The following KCNA7 variants were observed in gnomAD, a reference collection of about 807,000 sequenced individuals.
KCNA7 encodes the protein potassium voltage-gated channel subfamily A member 7.
Under a neutral mutation model 21.5 loss-of-function variants are expected in KCNA7, and 15 were observed. The ratio of observed to expected loss-of-function variants is 0.70; its 90% CI spans 0.47 to 1.07. KCNA7 has a LOEUF of 1.07. Among genes scored for constraint, KCNA7 ranks in the 50% least tolerant of loss-of-function variants. KCNA7 has a pLI of 0.00. For missense variants in KCNA7, 640 were observed against 651.6 expected (o/e 0.98, Z 0.19); for synonymous variants, 298 against 291.0 (o/e 1.02, Z -0.24).
Position 49,067,906 on chromosome 19 carries a change from CT to C in KCNA7, c.*2156del, listed in dbSNP as rs1555734367. 2.2e-4 allele frequency: 33 copies of C among 147,786 alleles called. No individual in the cohort carries two copies. The highest frequency in any genetic ancestry group is 4.3e-4 in the South Asian group (2 of 4,628). The allele number at this position is 147,786 out of a possible 1,614,324, so 9.2% of individuals were successfully genotyped here. A position where few individuals can be genotyped will look rare whatever the true frequency, so the allele number is the denominator to read the frequency against. ...TTTTTCTGGCTTTTTCTTTTCTTTT[CT>C]TTTTTTTTTTGAGACAGAGTGTTGC... On this transcript the variant is annotated 3_prime_UTR_variant, in exon 2 of 2. Coordinates refer to ENST00000221444, the MANE Select transcript of KCNA7 (RefSeq NM_031886.3).
In KCNA7 at chr19:49,071,555, C is replaced by A. The variant is rs756182583; in HGVS notation, c.555+476G>T. 3.8e-4 allele frequency among the ~76,000 whole-genome samples: 56 copies of A among 147,242 alleles called. No individual in the cohort carries two copies. The Middle Eastern group carries it at 0.027, about 72-fold the overall frequency. On this transcript the variant is annotated intron_variant, in intron 1 of 1. Transcript: ENST00000221444. ...TGGGCGACAGAGCAAGACTCTGTCT[C>A]ACAGGAAATAAAAAAAAAAAGACCT...
Position 49,070,005 on chromosome 19 carries a change from C to A in KCNA7, c.*58G>T. 1.4e-6 allele frequency: 2 copies of A among 1,396,180 alleles called. No homozygotes were observed. Among genetic ancestry groups the A allele is most frequent in the South Asian group, 2.7e-5 (2 of 75,304 alleles). 86.5% of individuals were successfully genotyped at this position (1,396,180 alleles called of 1,614,324 possible). ...CCCTCCCCCCAGCCTTGCCCTCCAC[C>A]CTGCCCTCCCTCCCTCCCTCTAGGG... On this transcript the variant is annotated 3_prime_UTR_variant, in exon 2 of 2. Coordinates refer to ENST00000221444, the MANE Select transcript of KCNA7 (RefSeq NM_031886.3). The surrounding 1 kb of genome is among the most constrained non-coding windows in gnomAD (Gnocchi z 4.3).
At position 49,070,008 on chromosome 19, in the gene KCNA7, GCCCT is replaced by G; in HGVS notation, c.*51_*54del. 73 of 1,369,472 alleles carry G rather than the reference GCCCT, an allele frequency of 5.3e-5. No homozygotes were observed. The highest frequency in any genetic ancestry group is 7.0e-5 in the Non-Finnish European group (69 of 990,498). The allele number at this position is 1,369,472 out of a possible 1,614,324, so 84.8% of individuals were successfully genotyped here. ...TCCCCCCAGCCTTGCCCTCCACCCT[GCCCT>G]CCCTCCCTCCCTCTAGGGAGGTGTG... On this transcript the variant is annotated 3_prime_UTR_variant, in exon 2 of 2. Transcript: ENST00000221444. This position sits in a 1 kb window ranked among gnomAD's most constrained non-coding sequence, Gnocchi z 4.3.
rs1370881348 is a variant in KCNA7, at chr19:49,067,561, C to G, written c.*2502G>C. 6.6e-6 allele frequency: 1 copy of G among 152,236 alleles called. No homozygotes were observed. Among genetic ancestry groups the G allele is most frequent in the Non-Finnish European group, 1.5e-5 (1 of 68,044 alleles). The allele number at this position is 152,236 out of a possible 1,614,324, so 9.4% of individuals were successfully genotyped here. ...GCCTTGTGACCTTGGGTAACACCTG[C>G]TGCTCTGAGCCTCAGTTTCCCCGTC... is the stretch of plus-strand genomic sequence containing the variant. On this transcript the variant is annotated 3_prime_UTR_variant, in exon 2 of 2. Transcript: ENST00000221444.
chr19:49,072,278 A>G lies in KCNA7; in HGVS notation c.308T>C (p.Leu103Pro). ...GCCCTCGTCCTCGCGCAGGCGTGCCAGGGCCGCCGCGCCCAGCCCGTAGAA... is the reference window on the plus strand; with the variant it reads ...GCCCTCGTCCTCGCGCAGGCGTGCCGGGGCCGCCGCGCCCAGCCCGTAGAA... ...VAFYGLGAAA[L>P]ARLREDEGCP... The change falls in exon 1 of 2, where the codon CTG becomes CCG. Residue 103 changes from leucine to proline, a missense_variant. By Grantham distance (98) the Leu-to-Pro change is moderately conservative (BLOSUM62 -3). Coordinates refer to ENST00000221444, the MANE Select transcript of KCNA7 (RefSeq NM_031886.3). The G allele has an allele frequency of 6.3e-7, 1 of 1,580,356 alleles. No homozygotes were observed. The highest frequency in any genetic ancestry group is 1.1e-5 in the South Asian group (1 of 87,504).
Position 49,070,495 on chromosome 19 carries a change from G to A in KCNA7, c.939C>T (p.Gly313=). The change falls in exon 2 of 2, where the codon GGC becomes GGT. Residue 313 remains glycine (G), a synonymous_variant. Coordinates refer to ENST00000221444, the MANE Select transcript of KCNA7 (RefSeq NM_031886.3). This position sits in a 1 kb window ranked among gnomAD's most constrained non-coding sequence, Gnocchi z 4.3. The part of the protein sequence containing the change: ...QTLRASMREL[G]LLIFFLFIGV... Reference sequence around the variant, plus strand: ...CGATGAAGAGGAAAAAGATGAGGAGGCCCAGCTCACGCATGGAGGCCCGAA... The same window carrying A: ...CGATGAAGAGGAAAAAGATGAGGAGACCCAGCTCACGCATGGAGGCCCGAA... 6.2e-7 allele frequency: 1 copy of A among 1,614,120 alleles called. No individual in the cohort carries two copies.
chr19:49,071,901 G>T, intron 1 of KCNA7, 130 bp downstream of exon 1: 3 of 250,508 alleles, frequency 1.2e-5, no homozygotes, highest in East Asian at 9.1e-5. Context: ...CCCGCCTCCC[G>T]CCCACCCTGT....
In KCNA7 at chr19:49,069,630, G is replaced by T. The variant is rs907522509; in HGVS notation, c.*433C>A. On this transcript the variant is annotated 3_prime_UTR_variant, in exon 2 of 2. Coordinates refer to ENST00000221444, the MANE Select transcript of KCNA7 (RefSeq NM_031886.3). Reference sequence around the variant, plus strand: ...AATGCCATGGGGGACCATCTAACTTGACCCAACATGGCCCTAGGGGACCCA... The same window carrying T: ...AATGCCATGGGGGACCATCTAACTTTACCCAACATGGCCCTAGGGGACCCA... 6.1e-6 allele frequency: 1 copy of T among 164,890 alleles called. No individual in the cohort carries two copies. The highest frequency in any genetic ancestry group is 1.3e-5 in the Non-Finnish European group (1 of 76,266). The allele number at this position is 164,890 out of a possible 1,614,324, so 10.2% of individuals were successfully genotyped here. A position where few individuals can be genotyped will look rare whatever the true frequency, so the allele number is the denominator to read the frequency against.
rs1486580205 is a variant in KCNA7, at chr19:49,072,063, T to C, written c.523A>G (p.Thr175Ala). Residue 175 changes from threonine to alanine, a missense_variant, in exon 1 of 2, where the codon ACG becomes GCG. Transcript: ENST00000221444. ...GCTGCGGCTGCAGCAGCAAGCCCCG[T>C]GCCGTCGCGGTCGTCGCGGAAGTCA... is the stretch of plus-strand genomic sequence containing the variant. ...LPDFRDDRDG[T>A]GLAAAAAAGP... is the part of the protein sequence containing the mutation. 1.2e-6 allele frequency: 2 copies of C among 1,608,898 alleles called. No homozygotes were observed. Among genetic ancestry groups the C allele is most frequent in the Non-Finnish European group, 1.7e-6 (2 of 1,178,546 alleles).
Position 49,072,462 on chromosome 19 carries a change from G to A in KCNA7, c.124C>T (p.Pro42Ser), listed in dbSNP as rs765790609. Residue 42 changes from proline to serine, a missense_variant, in exon 1 of 2, where the codon CCA becomes TCA. By Grantham distance (74) the Pro-to-Ser change is moderately conservative (BLOSUM62 -1). Coordinates refer to ENST00000221444, the MANE Select transcript of KCNA7 (RefSeq NM_031886.3). Reference sequence around the variant, plus strand: ...TCGTAGAAGCGGCCGCGGCGCGCTGGGTCCCCTAGCAGAGTGTCCGGGAAG... The same window carrying A: ...TCGTAGAAGCGGCCGCGGCGCGCTGAGTCCCCTAGCAGAGTGTCCGGGAAG... ...GRFPDTLLGD[P>S]ARRGRFYDDA... 29 of 1,570,796 alleles carry A rather than the reference G, an allele frequency of 1.8e-5. No individual in the cohort carries two copies. The highest frequency in any genetic ancestry group is 2.4e-5 in the Non-Finnish European group (28 of 1,168,020).
Position 49,067,775 on chromosome 19 carries a change from C to T in KCNA7, c.*2288G>A, listed in dbSNP as rs988425380. ...AGAGTGAGGCCCCCAGCCTGTCTGA[C>T]AGCCTTCCTGAGCTGCAGGGAGGGT... On this transcript the variant is annotated 3_prime_UTR_variant, in exon 2 of 2. Coordinates refer to ENST00000221444, the MANE Select transcript of KCNA7 (RefSeq NM_031886.3). 1 of 152,278 alleles carries T rather than the reference C, an allele frequency of 6.6e-6. No individual in the cohort carries two copies. The highest frequency in any genetic ancestry group is 2.4e-5 in the African/African-American group (1 of 41,460). 9.4% of individuals were successfully genotyped at this position (152,278 alleles called of 1,614,324 possible).
chr19:49,070,801 C>T lies in KCNA7; in HGVS notation c.633G>A (p.Val211=), dbSNP rs762648145. The change falls in exon 2 of 2, where the codon GTG becomes GTA. Residue 211 remains valine, a synonymous_variant. Transcript: ENST00000221444. This position sits in a 1 kb window ranked among gnomAD's most constrained non-coding sequence, Gnocchi z 4.3. The stretch of plus-strand genomic sequence containing the variant: ...ACCAACAAATACACAGCGTCTCCAC[C>T]ACGAAGAACGGGTCATTGAAGGGCA... ...PRLPFNDPFF[V]VETLCICWFS... 1.2e-6 allele frequency: 2 copies of T among 1,614,086 alleles called. No homozygotes were observed. Among genetic ancestry groups the T allele is most frequent in the Non-Finnish European group, 1.7e-6 (2 of 1,180,044 alleles).
rs1421995154 is a variant in KCNA7, at chr19:49,070,418, T to G, written c.1016A>C (p.Asp339Ala). The change falls in exon 2 of 2, where the codon GAC (aspartate) becomes GCC (alanine). Residue 339 changes from aspartate (D) to alanine (A), a missense_variant. Transcript: ENST00000221444. The surrounding 1 kb of genome is among the most constrained non-coding windows in gnomAD (Gnocchi z 4.3). ...CTCAGGGATGCTAGTGAAATGGGAG[T>G]CCACCCGGTCAACTTCGGCAAAGTA... ...AVYFAEVDRV[D>A]SHFTSIPESF... 1 of 1,612,982 alleles carries G rather than the reference T, an allele frequency of 6.2e-7. No individual in the cohort carries two copies. The highest frequency in any genetic ancestry group is 8.5e-7 in the Non-Finnish European group (1 of 1,179,846).
In KCNA7 at chr19:49,070,905, G is replaced by A; in HGVS notation, c.556-27C>T. On this transcript the variant is annotated intron_variant, in intron 1 of 1. Coordinates refer to ENST00000221444, the MANE Select transcript of KCNA7 (RefSeq NM_031886.3). This position sits in a 1 kb window ranked among gnomAD's most constrained non-coding sequence, Gnocchi z 4.3. ...TGCAGGGAGGAAAGTGTTCAGGGAG[G>A]GTCAGGCTGGGGCTAGGACACGGGG... 6.3e-7 allele frequency: 1 copy of A among 1,581,578 alleles called. No homozygotes were observed. Among genetic ancestry groups the A allele is most frequent in the Non-Finnish European group, 8.6e-7 (1 of 1,159,816 alleles).
chr19:49,070,168 GC>G lies in KCNA7; in HGVS notation c.1265del (p.Gly422AlafsTer92). 14 of 1,614,138 alleles carry G rather than the reference GC, an allele frequency of 8.7e-6. No homozygotes were observed. Among genetic ancestry groups the G allele is most frequent in the Non-Finnish European group, 1.2e-5 (14 of 1,180,014 alleles). On this transcript the variant is annotated frameshift_variant, in exon 2 of 2. Transcript: ENST00000221444. LOFTEE classifies it low-confidence loss of function (END_TRUNC). The surrounding 1 kb of genome is among the most constrained non-coding windows in gnomAD (Gnocchi z 4.3). ...CCCCATTGGCCTTGCCCTCCAGTGG[GC>G]CACAAGGCTGCATGTCCACATGGCT... ...MFSHVDMQPC[G>X]PLEGKANGGL...
At position 49,072,628 on chromosome 19, in the gene KCNA7, C is replaced by A; in HGVS notation, c.-43G>T. ...CGACCCGCGAACCGACGTGTGGCCC[C>A]GACGCCCGGCCCCGGTGCGGCCCCG... On this transcript the variant is annotated 5_prime_UTR_variant, in exon 1 of 2. Transcript: ENST00000221444. 9.0e-7 allele frequency: 1 copy of A among 1,106,632 alleles called. No homozygotes were observed. The highest frequency in any genetic ancestry group is 1.1e-6 in the Non-Finnish European group (1 of 909,070). 68.6% of individuals were successfully genotyped at this position (1,106,632 alleles called of 1,614,324 possible).
intron 1 of KCNA7, among the ~76,000 whole-genome samples, chr19:49,071,132 T>C (rs1401217550): frequency 6.6e-6 from 1 of 151,966 alleles, no homozygotes; most frequent in Non-Finnish European, 1.5e-5. Context: ...TGGGAACTCA[T>C]GTTTGAGTAG....
intron 1 of KCNA7, 61 bp downstream of exon 1, chr19:49,071,970 T>G (rs1460254939): frequency 6.7e-6 from 8 of 1,198,212 alleles, no homozygotes; most frequent in Non-Finnish European, 5.3e-6. Flanking sequence ...CCAGGTCCCC[T>G]CTGGACCCCG....
At position 49,069,194 on chromosome 19, in the gene KCNA7, C is replaced by G. The variant is rs888718733; in HGVS notation, c.*869G>C. The stretch of plus-strand genomic sequence containing the variant: ...GCCCTATGGAACTCGTTCGCACAGT[C>G]CAACTCAACCCAACTTCCTGTAGGA... On this transcript the variant is annotated 3_prime_UTR_variant, in exon 2 of 2. Coordinates refer to ENST00000221444, the MANE Select transcript of KCNA7 (RefSeq NM_031886.3). 2.0e-5 allele frequency: 3 copies of G among 152,210 alleles called. No homozygotes were observed. The highest frequency in any genetic ancestry group is 7.2e-5 in the African/African-American group (3 of 41,424). The allele number at this position is 152,210 out of a possible 1,614,324, so 9.4% of individuals were successfully genotyped here. A position where few individuals can be genotyped will look rare whatever the true frequency, so the allele number is the denominator to read the frequency against.
Sources: allele counts gnomAD v4.1 joint callset (sites outside exome capture counted in the v4.1 genomes callset), GRCh38; gene constraint gnomAD v4.1.1; non-coding constraint Gnocchi (gnomAD v3.1); transcripts MANE v1.5; gene names NCBI Gene and HGNC (gene_info 2026-07-23, HGNC 2026-07-21).